RBFOX1: variants seen among roughly 807,000 people sequenced by gnomAD.
RBFOX1 encodes the protein RNA binding protein fox-1 homolog 1.
RBFOX1 carries 8 observed loss-of-function variants against 57.7 expected under a neutral mutation model. The observed-to-expected ratio is 0.14, with a 90% CI of 0.08 to 0.25. The LOEUF (loss-of-function observed/expected upper bound fraction) is 0.25, where lower values mean the gene tolerates loss of function less well. Ranked by LOEUF, RBFOX1 falls within the 10% of genes least tolerant of loss-of-function variation. RBFOX1 has a pLI of 1.00. For synonymous variants in RBFOX1, 326 were observed against 222.4 expected, an observed-to-expected ratio of 1.47 and a Z score of -4.15; for missense variants, 611 against 548.5, an observed-to-expected ratio of 1.11 and a Z score of -1.14.
intron 1 of RBFOX1, among the ~76,000 whole-genome samples, chr16:6,075,930 G>C (rs2095892536): frequency 6.6e-6 from 1 of 152,152 alleles, no homozygotes; most frequent in Non-Finnish European, 1.5e-5. Flanking sequence ...AATGAGGCAG[G>C]TACATTTGAT....
intron 3 of RBFOX1, among the ~76,000 whole-genome samples, chr16:6,916,039 A>G (rs1198747966): frequency 6.6e-6 from 1 of 152,038 alleles, no homozygotes; most frequent in African/African-American, 2.4e-5. Context: ...ACTGGCAGGA[A>G]GACAGAGCTC....
intron 3 of RBFOX1, among the ~76,000 whole-genome samples, chr16:7,020,260 C>G (rs771431877): frequency 2.0e-5 from 3 of 152,022 alleles, no homozygotes; most frequent in African/African-American, 7.2e-5. Context: ...GAATCTTGCC[C>G]TGTTACCCAG....
At chr16:5,320,105 T>C (rs936622433) in intron 1 of RBFOX1, among the ~76,000 whole-genome samples, 1 of 152,148 alleles carries the variant, frequency 6.6e-6, no homozygotes, top group African/African-American at 2.4e-5. Context: ...TTGCCATAGG[T>C]GTGCACAGGT....
chr16:6,243,391 T>C (rs1205331832), intron 1 of RBFOX1, among the ~76,000 whole-genome samples: 1 of 152,176 alleles, frequency 6.6e-6, no homozygotes, highest in African/African-American at 2.4e-5. Flanking sequence ...ATTCCAATGT[T>C]CTTCCAATAA....
chr16:6,831,682 G>T (rs1178598165), intron 3 of RBFOX1, among the ~76,000 whole-genome samples: 1 of 152,156 alleles, frequency 6.6e-6, no homozygotes, highest in East Asian at 1.9e-4. Flanking sequence ...CTTGCAACCA[G>T]TTCTATTATT....
At chr16:6,969,213 C>T (rs970336172) in intron 3 of RBFOX1, among the ~76,000 whole-genome samples, 3 of 152,078 alleles carry the variant, frequency 2.0e-5, no homozygotes, top group Non-Finnish European at 2.9e-5. Context: ...AGTCCTTCAC[C>T]TGTTATGTGA....
chr16:6,122,811 TG>T (rs2096561521), intron 1 of RBFOX1, among the ~76,000 whole-genome samples: 11 of 151,798 alleles, frequency 7.2e-5, no homozygotes, highest in Middle Eastern at 3.4e-3. Flanking sequence ...TATGTGTGTG[TG>T]TGTGTGTGTG....
chr16:5,315,017 C>T (rs572462517), intron 1 of RBFOX1, among the ~76,000 whole-genome samples: 3 of 152,198 alleles, frequency 2.0e-5, no homozygotes, highest in African/African-American at 7.2e-5. Flanking sequence ...CATTGGGGGC[C>T]TCTGTGAGAT....
intron 3 of RBFOX1, among the ~76,000 whole-genome samples, chr16:6,751,995 G>A (rs568250948): frequency 6.6e-6 from 1 of 152,032 alleles, no homozygotes; most frequent in Non-Finnish European, 1.5e-5. Flanking sequence ...ACTTTAATAG[G>A]ATCCCAGTTG....
At chr16:7,500,603 C>G (rs1275584653) in intron 4 of RBFOX1, among the ~76,000 whole-genome samples, 1 of 152,112 alleles carries the variant, frequency 6.6e-6, no homozygotes, top group Non-Finnish European at 1.5e-5. Flanking sequence ...GGAAATACCT[C>G]TAGGGTTCAT....
intron 4 of RBFOX1, among the ~76,000 whole-genome samples, chr16:7,481,308 A>G (rs1407766193): frequency 6.6e-6 from 1 of 152,220 alleles, no homozygotes; most frequent in Non-Finnish European, 1.5e-5. Flanking sequence ...CATTATCTAT[A>G]TAATGTGTAA....
At chr16:5,804,313 A>G (rs1286306803) in intron 3 of RBFOX1, among the ~76,000 whole-genome samples, 1 of 152,224 alleles carries the variant, frequency 6.6e-6, no homozygotes, top group Non-Finnish European at 1.5e-5. Flanking sequence ...AGATGAATGG[A>G]TGGATGGATG....
chr16:6,793,371 G>C (rs2083338270), intron 3 of RBFOX1, among the ~76,000 whole-genome samples: 2 of 152,088 alleles, frequency 1.3e-5, no homozygotes, highest in Non-Finnish European at 2.9e-5. Flanking sequence ...CATTGAGATT[G>C]ATTGGACTCT....
intron 2 of RBFOX1, among the ~76,000 whole-genome samples, chr16:5,572,591 C>T (rs2046318365): frequency 6.6e-6 from 1 of 152,190 alleles, no homozygotes; most frequent in African/African-American, 2.4e-5. Context: ...TCAAAATCAC[C>T]TGAGGTTGAG....
chr16:5,856,177 C>A (rs1349066692), intron 3 of RBFOX1, among the ~76,000 whole-genome samples: 18 of 57,208 alleles, frequency 3.1e-4, no homozygotes, highest in African/African-American at 9.3e-4. Context: ...CTCTCTCTCT[C>A]TCTCTCTCTC....
intron 1 of RBFOX1, among the ~76,000 whole-genome samples, chr16:6,215,367 G>A (rs2097329438): frequency 7.0e-6 from 1 of 143,382 alleles, no homozygotes; most frequent in African/African-American, 2.6e-5. Flanking sequence ...AGGGAGAGAA[G>A]GAGAAGGGGA....
intron 3 of RBFOX1, among the ~76,000 whole-genome samples, chr16:6,790,883 A>G (rs1449129595): frequency 6.6e-6 from 1 of 151,548 alleles, no homozygotes; most frequent in Non-Finnish European, 1.5e-5. Context: ...AAAGGATGGT[A>G]TTTGTGTGGT....
intron 1 of RBFOX1, among the ~76,000 whole-genome samples, chr16:6,059,733 C>CCAT (rs1458658346): frequency 6.6e-6 from 1 of 152,084 alleles, no homozygotes; most frequent in Non-Finnish European, 1.5e-5. Flanking sequence ...AGGGCCTCTA[C>CCAT]CATCTGTTTA....
chr16:6,506,667 A>G (rs2096101803), intron 2 of RBFOX1, among the ~76,000 whole-genome samples: 2 of 58,356 alleles, frequency 3.4e-5, no homozygotes, highest in African/African-American at 7.1e-5. Flanking sequence ...TTTTTTTTTG[A>G]GATGGAGTCT....
Sources: gnomAD v4.1 joint callset for allele counts (sites outside exome capture counted in the v4.1 genomes callset) on GRCh38, gnomAD v4.1.1 for gene constraint, MANE v1.5 for transcripts, NCBI Gene and HGNC (gene_info 2026-07-23, HGNC 2026-07-21) for gene names.